SORCS3: variants seen among roughly 807,000 people sequenced by gnomAD.
SORCS3 encodes VPS10 domain-containing receptor SorCS3.
In SORCS3, 57 loss-of-function variants were observed where a neutral mutation model predicts 146.3. The ratio of observed to expected loss-of-function variants is 0.39; its 90% CI spans 0.31 to 0.49. The LOEUF is 0.49. SORCS3 is among the 20% of genes least tolerant of loss of function. The pLI, the probability that SORCS3 is intolerant of heterozygous loss-of-function variation, is 0.92. For synonymous variants in SORCS3, 653 were observed against 618.5 expected, an observed-to-expected ratio of 1.06 and a Z score of -0.83; for missense variants, 1,341 against 1,575.5, an observed-to-expected ratio of 0.85 and a Z score of 2.52.
At chr10:104,870,210 A>G (rs1461560786) in intron 2 of SORCS3, among the ~76,000 whole-genome samples, 1 of 152,248 alleles carries the variant, frequency 6.6e-6, no homozygotes, top group East Asian at 1.9e-4. Flanking sequence ...ACACATTTAA[A>G]TTAATATTTC....
chr10:104,992,269 G>A (rs2054998915), intron 4 of SORCS3, among the ~76,000 whole-genome samples: 1 of 152,122 alleles, frequency 6.6e-6, no homozygotes, highest in East Asian at 1.9e-4. Flanking sequence ...AGGAAATCAT[G>A]GAAGACACAA....
In SORCS3 at chr10:104,778,972, T is replaced by C. The variant is rs532755287; in HGVS notation, c.628-63820T>C. ...AGCCAAGGATCTTGAGGGGGGATCA[T>C]TTTGGATTATCTGTGTGGGCCTGAT... On this transcript the variant is annotated intron_variant, in intron 1 of 26. Coordinates refer to ENST00000369701, the MANE Select transcript of SORCS3 (RefSeq NM_014978.3). Among the ~76,000 whole-genome samples, 3 of 152,284 alleles carry C rather than the reference T, an allele frequency of 2.0e-5. No homozygotes were observed. The South Asian group carries it at 6.2e-4, about 32-fold the overall frequency.
chr10:104,713,136 T>C (rs1291624556), intron 1 of SORCS3, among the ~76,000 whole-genome samples: 2 of 151,970 alleles, frequency 1.3e-5, no homozygotes, highest in Non-Finnish European at 2.9e-5. Flanking sequence ...TGCGTGTGTG[T>C]GTGTGTGTGT....
chr10:104,684,687 A>G (rs1174787340), intron 1 of SORCS3, among the ~76,000 whole-genome samples: 1 of 150,880 alleles, frequency 6.6e-6, no homozygotes, highest in Non-Finnish European at 1.5e-5. Context: ...GAGGATAATG[A>G]TAATATCAAT....
chr10:104,896,415 G>A (rs1012286700), intron 2 of SORCS3, among the ~76,000 whole-genome samples: 1 of 152,254 alleles, frequency 6.6e-6, no homozygotes, highest in African/African-American at 2.4e-5. Flanking sequence ...AAGGACAAAT[G>A]CCAGGATAGG....
chr10:104,746,822 G>GTA (rs2133465638), intron 1 of SORCS3, among the ~76,000 whole-genome samples: 1 of 152,330 alleles, frequency 6.6e-6, no homozygotes, highest in Admixed American at 6.5e-5. Context: ...TCAAGGATCA[G>GTA]TATATACTTT....
At chr10:104,871,989 C>G (rs1359972446) in intron 2 of SORCS3, among the ~76,000 whole-genome samples, 4 of 152,154 alleles carry the variant, frequency 2.6e-5, no homozygotes, top group Non-Finnish European at 5.9e-5. Context: ...CTCTCTCACA[C>G]CCTGAGACTA....
intron 1 of SORCS3, among the ~76,000 whole-genome samples, chr10:104,718,147 A>AAAATAAAT (rs907552435): frequency 6.6e-6 from 1 of 151,972 alleles, no homozygotes; most frequent in African/African-American, 2.4e-5. Context: ...CTCCGTCCTC[A>AAAATAAAT]AAATAAATAA....
intron 16 of SORCS3, among the ~76,000 whole-genome samples, chr10:105,209,487 A>G (rs1031954921): frequency 1.3e-5 from 2 of 152,158 alleles, no homozygotes; most frequent in Non-Finnish European, 2.9e-5. Flanking sequence ...CCCAATAAAT[A>G]TTTAATGCCT....
At chr10:104,705,576 A>G (rs1236297821) in intron 1 of SORCS3, among the ~76,000 whole-genome samples, 1 of 152,200 alleles carries the variant, frequency 6.6e-6, no homozygotes, top group Non-Finnish European at 1.5e-5. Context: ...ATGACATGTA[A>G]TGACAATGAT....
At chr10:104,785,688 GT>G (rs2017427048) in intron 1 of SORCS3, among the ~76,000 whole-genome samples, 1 of 152,218 alleles carries the variant, frequency 6.6e-6, no homozygotes, top group Non-Finnish European at 1.5e-5. Flanking sequence ...AAGCAGAGCA[GT>G]GGTGCTTGTT....
chr10:105,214,185 C>G (rs779469796), intron 17 of SORCS3, among the ~76,000 whole-genome samples: 1 of 152,138 alleles, frequency 6.6e-6, no homozygotes, highest in Non-Finnish European at 1.5e-5. Context: ...CTGATCCAAT[C>G]TGTGGCTCAC....
At chr10:105,043,783 ATATTTTGAAAAACCTTT>A (rs1230000240) in intron 5 of SORCS3, among the ~76,000 whole-genome samples, 3 of 152,170 alleles carry the variant, frequency 2.0e-5, no homozygotes, top group African/African-American at 7.2e-5. Context: ...TCTGTAGGGC[ATATTTTGAAAAACCTTT>A]TATGGGAATG....
At chr10:105,173,906 T>C (rs1018956060) in intron 13 of SORCS3, among the ~76,000 whole-genome samples, 27 of 152,216 alleles carry the variant, frequency 1.8e-4, no homozygotes, top group African/African-American at 6.0e-4. Context: ...GTCACCTACA[T>C]AGAAAGGGCT....
chr10:105,110,466 G>A (rs1048751489), intron 7 of SORCS3, among the ~76,000 whole-genome samples: 2 of 151,630 alleles, frequency 1.3e-5, no homozygotes, highest in African/African-American at 2.4e-5. Context: ...ATCTTTATAT[G>A]TTTAACTATT....
At chr10:104,966,986 C>G (rs1467773174) in intron 3 of SORCS3, among the ~76,000 whole-genome samples, 1 of 149,390 alleles carries the variant, frequency 6.7e-6, no homozygotes, top group Non-Finnish European at 1.5e-5. Context: ...AGATACTGCA[C>G]CATTTGTATG....
In SORCS3 at chr10:104,774,102, C is replaced by T. The variant is rs182607577; in HGVS notation, c.628-68690C>T. Among the ~76,000 whole-genome samples, 530 of 152,304 alleles carry T rather than the reference C, an allele frequency of 3.5e-3. 8 individuals carry two copies. The highest frequency in any genetic ancestry group is 0.012 in the African/African-American group (505 of 41,556). The stretch of plus-strand genomic sequence containing the variant: ...GTGTTTAATTTCACAAGCCATCTCC[C>T]ATCCTTTCTGGATGAAGATGGGATA... On this transcript the variant is annotated intron_variant, in intron 1 of 26. Coordinates refer to ENST00000369701, the MANE Select transcript of SORCS3 (RefSeq NM_014978.3).
intron 1 of SORCS3, among the ~76,000 whole-genome samples, chr10:104,822,572 C>T (rs1286170348): frequency 1.3e-5 from 2 of 152,282 alleles, no homozygotes; most frequent in African/African-American, 4.8e-5. Flanking sequence ...TATGTGGAGA[C>T]AAACCCAGGC....
intron 16 of SORCS3, among the ~76,000 whole-genome samples, chr10:105,209,295 C>G (rs1057066013): frequency 5.9e-5 from 9 of 151,960 alleles, no homozygotes; most frequent in Non-Finnish European, 8.8e-5. Flanking sequence ...CTCCTGCCAC[C>G]ATGCCTGGTG....
Sources: allele counts gnomAD v4.1 joint callset (sites outside exome capture counted in the v4.1 genomes callset), GRCh38; gene constraint gnomAD v4.1.1; transcripts MANE v1.5; gene names NCBI Gene and HGNC (gene_info 2026-07-23, HGNC 2026-07-21).